The following TMEM132D variants were observed in gnomAD, a reference collection of about 807,000 sequenced individuals.
The protein encoded by TMEM132D is mature OL transmembrane protein.
In TMEM132D, 21 loss-of-function variants were observed where a neutral mutation model predicts 62.3. The ratio of observed to expected loss-of-function variants is 0.34; its 90% CI spans 0.24 to 0.49. The LOEUF (loss-of-function observed/expected upper bound fraction) is 0.49, where lower values mean the gene tolerates loss of function less well. Among genes scored for constraint, TMEM132D ranks in the 20% least tolerant of loss-of-function variants. The probability of loss-of-function intolerance (pLI) is 0.99; values close to 1 mark genes in which losing one functional copy is unlikely to be tolerated. For missense variants in TMEM132D, 1,346 were observed against 1,402.8 expected (o/e 0.96, Z 0.65); for synonymous variants, 621 against 575.6 (o/e 1.08, Z -1.13).
intron 1 of TMEM132D, among the ~76,000 whole-genome samples, chr12:129,875,539 G>T (rs932963546): frequency 6.6e-6 from 1 of 152,100 alleles, no homozygotes; most frequent in South Asian, 2.1e-4. Context: ...ATTTAGAGAG[G>T]ATTTGTAGGT....
intron 3 of TMEM132D, among the ~76,000 whole-genome samples, chr12:129,343,132 T>G (rs1869552166): frequency 6.6e-6 from 1 of 152,198 alleles, no homozygotes; most frequent in Non-Finnish European, 1.5e-5. Flanking sequence ...CACATGTATG[T>G]TTATTGCGGC....
At chr12:129,616,058 A>G (rs774426011) in intron 2 of TMEM132D, among the ~76,000 whole-genome samples, 3 of 152,194 alleles carry the variant, frequency 2.0e-5, no homozygotes, top group Non-Finnish European at 2.9e-5. Context: ...AAAACAACAC[A>G]TTAGAAAACA....
At chr12:129,742,169 G>T (rs1228106160) in intron 1 of TMEM132D, among the ~76,000 whole-genome samples, 2 of 152,198 alleles carry the variant, frequency 1.3e-5, no homozygotes, top group African/African-American at 4.8e-5. Flanking sequence ...TCTAACATTA[G>T]CCATCTGTGT....
intron 1 of TMEM132D, among the ~76,000 whole-genome samples, chr12:129,844,106 C>G (rs1184641612): frequency 2.6e-5 from 4 of 151,942 alleles, no homozygotes; most frequent in Non-Finnish European, 5.9e-5. Flanking sequence ...GTCTCGGAAA[C>G]CAACAAATAA....
intron 1 of TMEM132D, among the ~76,000 whole-genome samples, chr12:129,849,271 G>A (rs1009334336): frequency 1.3e-5 from 2 of 151,992 alleles, no homozygotes; most frequent in Non-Finnish European, 2.9e-5. Flanking sequence ...ATATAAATAC[G>A]CTGCTTTTTA....
chr12:129,418,751 G>T (rs199802327), intron 3 of TMEM132D, among the ~76,000 whole-genome samples: 2 of 151,760 alleles, frequency 1.3e-5, no homozygotes, highest in African/African-American at 4.8e-5. Context: ...AATAATAAAA[G>T]AAAAGTGGGG....
At chr12:129,658,112 G>C (rs1472950982) in intron 2 of TMEM132D, among the ~76,000 whole-genome samples, 1 of 152,168 alleles carries the variant, frequency 6.6e-6, no homozygotes, top group Admixed American at 6.6e-5. Flanking sequence ...TTCTGGGGAG[G>C]TGACATTTGA....
chr12:129,577,121 T>G (rs1877685614), intron 2 of TMEM132D, among the ~76,000 whole-genome samples: 1 of 151,812 alleles, frequency 6.6e-6, no homozygotes, highest in Admixed American at 6.6e-5. Context: ...AGTATTGCAC[T>G]AAACACAACG....
chr12:129,103,033 C>T (rs917595817), intron 5 of TMEM132D, among the ~76,000 whole-genome samples: 1 of 152,182 alleles, frequency 6.6e-6, no homozygotes, highest in African/African-American at 2.4e-5. Context: ...AAGTAAACAT[C>T]GTGGAAGGCA....
At chr12:129,108,409 T>C (rs1381252310) in intron 5 of TMEM132D, among the ~76,000 whole-genome samples, 1 of 152,312 alleles carries the variant, frequency 6.6e-6, no homozygotes, top group Middle Eastern at 3.4e-3. Flanking sequence ...GTTGCATTCC[T>C]GGGTTTGGGA....
At chr12:129,128,382 C>A (rs1876276275) in intron 5 of TMEM132D, among the ~76,000 whole-genome samples, 2 of 152,160 alleles carry the variant, frequency 1.3e-5, no homozygotes, top group African/African-American at 2.4e-5. Context: ...AACTTACAAT[C>A]CTGGTGGAAG....
At position 129,711,787 on chromosome 12, in the gene TMEM132D, A is replaced by G. The variant is rs1470426678; in HGVS notation, c.80-11089T>C. On this transcript the variant is annotated intron_variant, in intron 1 of 8. Coordinates refer to ENST00000422113, the MANE Select transcript of TMEM132D (RefSeq NM_133448.3). ...AAGGATGTGGGATTATTATATATTC[A>G]TATTATAAATATATATTATATATTT... 3.4e-5 allele frequency among the ~76,000 whole-genome samples: 5 copies of G among 148,148 alleles called. No individual in the cohort carries two copies. In the East Asian group the frequency reaches 7.8e-4, roughly 23 times the overall value.
chr12:129,586,476 C>T (rs899038028), intron 2 of TMEM132D, among the ~76,000 whole-genome samples: 1 of 152,202 alleles, frequency 6.6e-6, no homozygotes, highest in Non-Finnish European at 1.5e-5. Context: ...GAGATTGACT[C>T]CTCACACTTC....
intron 3 of TMEM132D, among the ~76,000 whole-genome samples, chr12:129,379,444 C>T (rs1870876600): frequency 6.6e-6 from 1 of 152,170 alleles, no homozygotes; most frequent in Admixed American, 6.5e-5. Context: ...AACTGTTGAG[C>T]TATTTGAGAA....
At chr12:129,448,740 G>A (rs1873180516) in intron 3 of TMEM132D, among the ~76,000 whole-genome samples, 1 of 151,954 alleles carries the variant, frequency 6.6e-6, no homozygotes, top group African/African-American at 2.4e-5. Flanking sequence ...AAAAATAAAG[G>A]GGCTGATACA....
chr12:129,394,495 C>A (rs554757593), intron 3 of TMEM132D, among the ~76,000 whole-genome samples: 1 of 152,244 alleles, frequency 6.6e-6, no homozygotes, highest in African/African-American at 2.4e-5. Flanking sequence ...TCCGGGCCTG[C>A]GTGAGTTCTT....
At chr12:129,436,703 C>T (rs1256812191) in intron 3 of TMEM132D, among the ~76,000 whole-genome samples, 2 of 152,124 alleles carry the variant, frequency 1.3e-5, no homozygotes, top group Non-Finnish European at 2.9e-5. Context: ...GGGATGAAAG[C>T]AAGTTTTAAA....
intron 2 of TMEM132D, chr12:129,683,186 A>G (rs1880827776): frequency 6.6e-6 from 1 of 152,024 alleles, no homozygotes; most frequent in Non-Finnish European, 1.5e-5. Flanking sequence ...CCTATTTCGC[A>G]TTTATGAAGA....
intron 5 of TMEM132D, among the ~76,000 whole-genome samples, chr12:129,115,991 G>A (rs1176966814): frequency 6.6e-6 from 1 of 152,234 alleles, no homozygotes; most frequent in Non-Finnish European, 1.5e-5. Context: ...ACTCTTTTGT[G>A]TTTGGCTGAA....
Sources: gnomAD v4.1 joint callset for allele counts (sites outside exome capture counted in the v4.1 genomes callset) on GRCh38, gnomAD v4.1.1 for gene constraint, MANE v1.5 for transcripts, NCBI Gene and HGNC (gene_info 2026-07-23, HGNC 2026-07-21) for gene names.